IGF2BP2: variants seen among roughly 807,000 people sequenced by gnomAD.
IGF2BP2 encodes the protein insulin like growth factor 2 mRNA binding protein 2, also known as insulin-like growth factor 2 mRNA-binding protein 2.
Under a neutral mutation model 75.8 loss-of-function variants are expected in IGF2BP2, and 17 were observed. The ratio of observed to expected loss-of-function variants is 0.22; its 90% CI spans 0.15 to 0.34. IGF2BP2 has a LOEUF of 0.34. Ranked by LOEUF, IGF2BP2 falls within the 10% of genes least tolerant of loss-of-function variation. IGF2BP2 has a pLI of 1.00. For missense variants in IGF2BP2, 516 were observed against 772.4 expected, an observed-to-expected ratio of 0.67 and a Z score of 3.93; for synonymous variants, 288 against 295.6, an observed-to-expected ratio of 0.97 and a Z score of 0.26.
rs1236438641 is a variant in IGF2BP2 at position 185,645,359 on chromosome 3, G to C, written c.*172C>G. ...TGGCTGACCTTCCCCGCCCCTCCTCGGCCCCTGGGGTTCTCAGGGCCTCGG... is the reference window on the plus strand; with the variant it reads ...TGGCTGACCTTCCCCGCCCCTCCTCCGCCCCTGGGGTTCTCAGGGCCTCGG... On this transcript the variant is annotated 3_prime_UTR_variant, in exon 16 of 16. Transcript: ENST00000382199. The surrounding 1 kb of genome is among the most constrained non-coding windows in gnomAD (Gnocchi z 4.9). The C allele has an allele frequency of 1.0e-5, 6 of 583,986 alleles. No individual in the cohort carries two copies. The highest frequency in any genetic ancestry group is 7.0e-5 in the South Asian group (3 of 43,132). The allele number at this position is 583,986 out of a possible 1,614,324, so 36.2% of individuals were successfully genotyped here. A position where few individuals can be genotyped will look rare whatever the true frequency, so the allele number is the denominator to read the frequency against.
intron 12 of IGF2BP2, among the ~76,000 whole-genome samples, chr3:185,655,911 G>A (rs1012828698): frequency 3.9e-5 from 6 of 152,336 alleles, no homozygotes; most frequent in South Asian, 2.1e-4. Flanking sequence ...ATGAAGAGGC[G>A]CTGTAGTGGT....
chr3:185,724,931 T>C (rs1727100598), intron 2 of IGF2BP2: 2 of 152,186 alleles, frequency 1.3e-5, no homozygotes. Flanking sequence ...TAGCATGCCT[T>C]TCTTAGGAAT....
chr3:185,656,836 C>T (rs1265777429), intron 12 of IGF2BP2, among the ~76,000 whole-genome samples: 1 of 152,224 alleles, frequency 6.6e-6, no homozygotes, highest in Non-Finnish European at 1.5e-5. Flanking sequence ...GGGTTAGACC[C>T]TCAGCTTTTG....
chr3:185,698,004 C>T (rs1722804836), intron 3 of IGF2BP2, among the ~76,000 whole-genome samples: 1 of 152,124 alleles, frequency 6.6e-6, no homozygotes, highest in Non-Finnish European at 1.5e-5. Context: ...ACCAACAAAC[C>T]ATGAGATACA....
At position 185,689,609 on chromosome 3, in the gene IGF2BP2, G is replaced by T. The variant is rs563013811; in HGVS notation, c.423C>A (p.Ser141Arg). Residue 141 changes from serine to arginine, a missense_variant, in exon 6 of 16, where the codon AGC (serine) becomes AGA (arginine). Physicochemically the swap from Ser to Arg is moderately radical, Grantham distance 110. Around this residue, in one of 3 missense-constraint regions of IGF2BP2, gnomAD observed 312 missense variants for 474.5 expected, o/e 0.66. Coordinates refer to ENST00000382199, the MANE Select transcript of IGF2BP2 (RefSeq NM_006548.6). Reference sequence around the variant, plus strand: ...AGGAGTAGTTCTCAAACTGATGCCCGCTTAGCTTCTCCATGGCTCTGAAAT... The same window carrying T: ...AGGAGTAGTTCTCAAACTGATGCCCTCTTAGCTTCTCCATGGCTCTGAAAT... ...EEAKIAMEKLSGHQFENYSFK... is the reference protein window; with the variant it reads ...EEAKIAMEKLRGHQFENYSFK... The T allele has an allele frequency of 2.5e-6, 4 of 1,613,946 alleles. No individual in the cohort carries two copies. The African/African-American group carries it at 5.3e-5, about 22-fold the overall frequency.
chr3:185,690,589 C>A (rs947390462), intron 5 of IGF2BP2, among the ~76,000 whole-genome samples: 2 of 152,094 alleles, frequency 1.3e-5, no homozygotes, highest in African/African-American at 4.8e-5. Context: ...TGTATCCAAC[C>A]TTTTACAGTT....
chr3:185,756,354 C>G (rs1337966132), intron 2 of IGF2BP2, among the ~76,000 whole-genome samples: 1 of 152,200 alleles, frequency 6.6e-6, no homozygotes, highest in African/African-American at 2.4e-5. Flanking sequence ...AACCTCATTT[C>G]CTTATAAATT....
intron 2 of IGF2BP2, among the ~76,000 whole-genome samples, chr3:185,744,624 A>G (rs1019659547): frequency 2.0e-4 from 31 of 152,292 alleles, no homozygotes; most frequent in Admixed American, 1.6e-3. Flanking sequence ...CCTGGCCAAC[A>G]TGGTGAAACC....
At chr3:185,824,333 G>C (rs1741758896) in intron 1 of IGF2BP2, among the ~76,000 whole-genome samples, 1 of 151,356 alleles carries the variant, frequency 6.6e-6, no homozygotes, top group Admixed American at 6.6e-5. Flanking sequence ...CACTGGAAGA[G>C]AGAAGGTCCG....
At chr3:185,665,265 G>T in intron 10 of IGF2BP2, among the ~76,000 whole-genome samples, 1 of 147,512 alleles carries the variant, frequency 6.8e-6, no homozygotes, top group Non-Finnish European at 1.5e-5. Flanking sequence ...AGGAGGAGGA[G>T]GAGGAGGAGA....
At chr3:185,698,171 T>G (rs1213281914) in intron 3 of IGF2BP2, 128 bp downstream of exon 3, 1 of 746,252 alleles carries the variant, frequency 1.3e-6, no homozygotes, top group Admixed American at 2.5e-5. Flanking sequence ...ATTAGGGTAC[T>G]GAAAAGAAAG....
At chr3:185,740,714 T>C (rs759033247) in intron 2 of IGF2BP2, among the ~76,000 whole-genome samples, 1 of 152,188 alleles carries the variant, frequency 6.6e-6, no homozygotes, top group Non-Finnish European at 1.5e-5. Flanking sequence ...GTCTTACTCA[T>C]AGCCATATAC....
intron 2 of IGF2BP2, among the ~76,000 whole-genome samples, chr3:185,753,915 A>G (rs1473162534): frequency 6.6e-6 from 1 of 152,072 alleles, no homozygotes; most frequent in Non-Finnish European, 1.5e-5. Flanking sequence ...TGTTTAAAAG[A>G]GTCTGATGCC....
At chr3:185,759,880 AAGT>A in intron 2 of IGF2BP2, among the ~76,000 whole-genome samples, 1 of 152,190 alleles carries the variant, frequency 6.6e-6, no homozygotes. Flanking sequence ...ACTTACACAA[AAGT>A]AGACAGATGT....
chr3:185,758,510 T>C (rs972020394), intron 2 of IGF2BP2, among the ~76,000 whole-genome samples: 4 of 152,206 alleles, frequency 2.6e-5, no homozygotes, highest in East Asian at 1.9e-4. Flanking sequence ...AGATAATGCA[T>C]GTAAAGTACA....
At chr3:185,704,819 A>G (rs1306491092) in intron 2 of IGF2BP2, among the ~76,000 whole-genome samples, 1 of 152,202 alleles carries the variant, frequency 6.6e-6, no homozygotes, top group Non-Finnish European at 1.5e-5. Flanking sequence ...GAGACTGATT[A>G]AGAGTCAATG....
intron 7 of IGF2BP2, among the ~76,000 whole-genome samples, chr3:185,683,957 G>A (rs1360762530): frequency 6.6e-6 from 1 of 152,124 alleles, no homozygotes; most frequent in Non-Finnish European, 1.5e-5. Flanking sequence ...TGTGCCTTAG[G>A]ACTTCTTGTT....
In IGF2BP2 at chr3:185,792,760, C is replaced by T. The variant is rs139252954; in HGVS notation, c.239+30393G>A. Among the ~76,000 whole-genome samples the T allele has an allele frequency of 1.5e-3, 214 of 145,270 alleles. 3 individuals are homozygous for T. Among genetic ancestry groups the T allele is most frequent in the African/African-American group, 4.9e-3 (189 of 38,576 alleles). On this transcript the variant is annotated intron_variant, in intron 2 of 15. Coordinates refer to ENST00000382199, the MANE Select transcript of IGF2BP2 (RefSeq NM_006548.6). ...CAGCCTGTACAAGAGAACAAGACTC[C>T]GTCTCAAAAAAAAAAAAAAAATACA...
chr3:185,775,890 A>G (rs956157328), intron 2 of IGF2BP2, among the ~76,000 whole-genome samples: 1 of 152,246 alleles, frequency 6.6e-6, no homozygotes, highest in Non-Finnish European at 1.5e-5. Context: ...CTTATATATA[A>G]GCGTGAATAA....
Sources: allele counts gnomAD v4.1 joint callset (sites outside exome capture counted in the v4.1 genomes callset), GRCh38; gene constraint gnomAD v4.1.1; regional missense constraint gnomAD v4.1.1; non-coding constraint Gnocchi (gnomAD v3.1); transcripts MANE v1.5; gene names NCBI Gene and HGNC (gene_info 2026-07-23, HGNC 2026-07-21).